GRIP1: variants seen among roughly 807,000 people sequenced by gnomAD.
The protein encoded by GRIP1 is glutamate receptor interacting protein 1.
Under a neutral mutation model 129.9 loss-of-function variants are expected in GRIP1, and 45 were observed. That is an observed-to-expected ratio of 0.35 (90% CI 0.27 to 0.44). GRIP1 has a LOEUF of 0.44. Ranked by LOEUF, GRIP1 falls within the 20% of genes least tolerant of loss-of-function variation. The pLI is 1.00. For synonymous variants in GRIP1, 530 were observed against 520.8 expected, an observed-to-expected ratio of 1.02 and a Z score of -0.24; for missense variants, 1,196 against 1,396.8, an observed-to-expected ratio of 0.86 and a Z score of 2.29.
chr12:66,558,622 C>T (rs917296139), intron 2 of GRIP1, among the ~76,000 whole-genome samples: 6 of 152,006 alleles, frequency 3.9e-5, no homozygotes, highest in Non-Finnish European at 7.4e-5. Flanking sequence ...CAAGATTGAG[C>T]CATGCTGAAA....
chr12:66,929,179 G>C (rs1173581259), intron 1 of GRIP1, among the ~76,000 whole-genome samples: 1 of 152,200 alleles, frequency 6.6e-6, no homozygotes, highest in Admixed American at 6.5e-5. Context: ...TGAGGCTACA[G>C]ATCACTTCTT....
At chr12:66,951,610 C>G (rs12819288) in intron 1 of GRIP1, among the ~76,000 whole-genome samples, 39,660 of 152,112 alleles carry the variant, frequency 0.26, 5,379 homozygotes, top group East Asian at 0.4. Context: ...TCTGGCTGCA[C>G]TGTGGACAAT....
chr12:67,008,993 T>C (rs548071921), intron 1 of GRIP1, among the ~76,000 whole-genome samples: 2 of 152,244 alleles, frequency 1.3e-5, no homozygotes, highest in South Asian at 2.1e-4. Context: ...AGGTAAAATG[T>C]GTTTCAAGAA....
At position 66,656,092 on chromosome 12, in the gene GRIP1, T is replaced by C. The variant is rs552355105; in HGVS notation, c.55+22758A>G. ...ATAAATTTTTTCTCCAGGCATCCAATAGACTCTGAGGTTTTTGAGAGCAAT... is the reference window on the plus strand; with the variant it reads ...ATAAATTTTTTCTCCAGGCATCCAACAGACTCTGAGGTTTTTGAGAGCAAT... On this transcript the variant is annotated intron_variant, in intron 1 of 24. Transcript: ENST00000359742. Among the ~76,000 whole-genome samples the C allele has an allele frequency of 1.7e-4, 26 of 152,282 alleles. No homozygotes were observed. In the South Asian group the frequency reaches 2.3e-3, roughly 13 times the overall value.
intron 7 of GRIP1, among the ~76,000 whole-genome samples, chr12:66,498,529 G>T (rs576164451): frequency 6.6e-6 from 1 of 152,224 alleles, no homozygotes; most frequent in Admixed American, 6.5e-5. Context: ...CTCAAATAGG[G>T]ATTCTTAAGT....
chr12:66,846,384 C>T (rs989435150), intron 1 of GRIP1, among the ~76,000 whole-genome samples: 5 of 152,134 alleles, frequency 3.3e-5, no homozygotes, highest in African/African-American at 1.2e-4. Flanking sequence ...AAATATGAGT[C>T]ATCTTCATCC....
chr12:66,950,907 T>C (rs1160840129), intron 1 of GRIP1, among the ~76,000 whole-genome samples: 1 of 152,208 alleles, frequency 6.6e-6, no homozygotes, highest in Admixed American at 6.5e-5. Context: ...AGTGCTATGA[T>C]GTGTTGCAAC....
chr12:66,688,478 A>G (rs1244874873), intron 1 of GRIP1, among the ~76,000 whole-genome samples: 1 of 152,194 alleles, frequency 6.6e-6, no homozygotes, highest in African/African-American at 2.4e-5. Flanking sequence ...GAGGCTCCAG[A>G]GTCCATTCCA....
intron 1 of GRIP1, among the ~76,000 whole-genome samples, chr12:67,017,333 C>T (rs555791392): frequency 2.6e-5 from 4 of 151,680 alleles, no homozygotes; most frequent in South Asian, 2.1e-4. Flanking sequence ...TAAAGCATCC[C>T]CTTTTAAATG....
In GRIP1 at chr12:66,746,484, AG is replaced by A. The variant is rs565555255; in HGVS notation, c.-420+57568del. On this transcript the variant is annotated intron_variant, in intron 1 of 4. Transcript: ENST00000538373. ...AATCACATGCACATTGACGTTTGAGAGGCACCTTTTTATAGAATTGGGGAAA... is the reference window on the plus strand; with the variant it reads ...AATCACATGCACATTGACGTTTGAGAGCACCTTTTTATAGAATTGGGGAAA... Among the ~76,000 whole-genome samples the A allele has an allele frequency of 1.1e-4, 17 of 152,298 alleles. No homozygotes were observed. The South Asian group carries it at 2.5e-3, about 22-fold the overall frequency.
chr12:66,530,113 C>T (rs1043118164), intron 4 of GRIP1, among the ~76,000 whole-genome samples, 199 bp from the exon 5 acceptor site: 1 of 152,066 alleles, frequency 6.6e-6, no homozygotes, highest in Non-Finnish European at 1.5e-5. Context: ...GTATAAGTGA[C>T]TCATATAGAT....
intron 1 of GRIP1, among the ~76,000 whole-genome samples, chr12:66,721,487 C>T (rs2036056618): frequency 6.6e-6 from 1 of 152,014 alleles, no homozygotes; most frequent in African/African-American, 2.4e-5. Flanking sequence ...GTTGGCCAGG[C>T]TGGTCTTGAA....
intron 1 of GRIP1, among the ~76,000 whole-genome samples, chr12:66,868,676 T>A (rs2040245151): frequency 6.6e-6 from 1 of 152,002 alleles, no homozygotes; most frequent in African/African-American, 2.4e-5. Flanking sequence ...ATACAAAGAT[T>A]AAAATTTGTA....
At chr12:66,545,424 T>C (rs1157425598) in intron 2 of GRIP1, among the ~76,000 whole-genome samples, 2 of 152,156 alleles carry the variant, frequency 1.3e-5, no homozygotes, top group African/African-American at 4.8e-5. Flanking sequence ...ACAATTAATA[T>C]GCAGAAAACT....
At chr12:66,542,001 T>C in intron 2 of GRIP1, 51 bp from the exon 3 acceptor site, 3 of 1,541,462 alleles carry the variant, frequency 1.9e-6, no homozygotes, top group Non-Finnish European at 2.7e-6. Flanking sequence ...GAATCACCAA[T>C]GTCATTTCTC....
At chr12:66,766,132 T>A (rs886449309) in intron 1 of GRIP1, among the ~76,000 whole-genome samples, 1 of 152,226 alleles carries the variant, frequency 6.6e-6, no homozygotes. Context: ...TATAAGTGAC[T>A]GGCTGACAAC....
rs377252334 is a variant in GRIP1 at position 66,352,961 on chromosome 12, A to AAATG, written c.3159+452_3159+455dup. ...GTGACAGAGCGAGACTCTGTCTCAA[A>AAATG]AATGAATGAATGAATGAATGAAGAG... On this transcript the variant is annotated intron_variant, in intron 24 of 24. Transcript: ENST00000359742. Among the ~76,000 whole-genome samples the AAATG allele has an allele frequency of 3.2e-3, 494 of 152,252 alleles. 5 individuals are homozygous for AAATG. The highest frequency in any genetic ancestry group is 0.011 in the African/African-American group (464 of 41,552).
intron 1 of GRIP1, among the ~76,000 whole-genome samples, chr12:66,931,771 T>G (rs2137407970): frequency 6.6e-6 from 1 of 152,192 alleles, no homozygotes; most frequent in East Asian, 1.9e-4. Context: ...GACTCAAGAT[T>G]CCGTGATTTT....
intron 1 of GRIP1, among the ~76,000 whole-genome samples, chr12:66,815,842 T>TC (rs1566036727): frequency 9.3e-5 from 4 of 43,062 alleles, no homozygotes; most frequent in African/African-American, 1.5e-4. Flanking sequence ...CTTTCTTTCT[T>TC]TCTTTCTTTC....
Sources: gnomAD v4.1 joint callset for allele counts (sites outside exome capture counted in the v4.1 genomes callset) on GRCh38, gnomAD v4.1.1 for gene constraint, MANE v1.5 for transcripts, NCBI Gene and HGNC (gene_info 2026-07-23, HGNC 2026-07-21) for gene names.